Variants in STXBP4 observed in about 807,000 individuals in gnomAD.
The protein encoded by STXBP4 is syntaxin-binding protein 4.
Under a neutral mutation model 76.1 loss-of-function variants are expected in STXBP4, and 55 were observed. The ratio of observed to expected loss-of-function variants is 0.72; its 90% CI spans 0.58 to 0.91. The LOEUF (loss-of-function observed/expected upper bound fraction) is 0.91. Ranked by LOEUF, STXBP4 falls within the 40% of genes least tolerant of loss-of-function variation. The probability of loss-of-function intolerance (pLI) is 0.00; values close to 1 mark genes in which losing one functional copy is unlikely to be tolerated. For missense variants in STXBP4, 618 were observed against 636.9 expected, an observed-to-expected ratio of 0.97 and a Z score of 0.32; for synonymous variants, 201 against 220.2, an observed-to-expected ratio of 0.91 and a Z score of 0.77.
intron 9 of STXBP4, among the ~76,000 whole-genome samples, chr17:55,033,137 G>A (rs746152678): frequency 6.6e-6 from 1 of 152,172 alleles, no homozygotes; most frequent in Non-Finnish European, 1.5e-5. Context: ...ACTTTAGGAG[G>A]CCAAGGTGGG....
chr17:55,039,329 C>T (rs570104876), intron 10 of STXBP4, among the ~76,000 whole-genome samples: 92 of 139,530 alleles, frequency 6.6e-4, no homozygotes, highest in Non-Finnish European at 1.2e-3. Context: ...ACGTAATGCA[C>T]ACAGAGAGTA....
In STXBP4 at chr17:55,164,846, G is replaced by C. The variant is rs1483935314; in HGVS notation, c.*4935G>C. On this transcript the variant is annotated 3_prime_UTR_variant, in exon 18 of 18. Transcript: ENST00000376352. ...GTAATAATGGGAGTCAGCTTCGTGA[G>C]GGCAGGGATTTTGTCTTCTTGTATT... 6.6e-6 allele frequency: 1 copy of C among 152,376 alleles called. No homozygotes were observed. Among genetic ancestry groups the C allele is most frequent in the Non-Finnish European group, 1.5e-5 (1 of 68,048 alleles). 9.4% of individuals were successfully genotyped at this position (152,376 alleles called of 1,614,324 possible). A position where few individuals can be genotyped will look rare whatever the true frequency, so the allele number is the denominator to read the frequency against.
At chr17:55,189,149 GA>G in the STXBP4 span, among the ~76,000 whole-genome samples, 1 of 123,122 alleles carries the variant, frequency 8.1e-6, no homozygotes, top group Non-Finnish European at 1.7e-5. Flanking sequence ...ATGCAAGGGG[GA>G]CATAGAATAT....
chr17:55,024,476 G>A (rs1318354327), intron 8 of STXBP4, among the ~76,000 whole-genome samples: 2 of 152,196 alleles, frequency 1.3e-5, no homozygotes, highest in Admixed American at 1.3e-4. Flanking sequence ...ACTTCTGATG[G>A]TGGAGGCTTT....
At chr17:55,188,531 T>C in the STXBP4 span, among the ~76,000 whole-genome samples, 1 of 152,208 alleles carries the variant, frequency 6.6e-6, no homozygotes, top group Non-Finnish European at 1.5e-5. Context: ...CCAGAGCACC[T>C]TATGGAATAG....
chr17:54,969,893 G>T (rs1414449511), intron 1 of STXBP4, among the ~76,000 whole-genome samples: 1 of 152,160 alleles, frequency 6.6e-6, no homozygotes, highest in East Asian at 1.9e-4. Flanking sequence ...AACAGTTACC[G>T]AAATAAGGGA....
At chr17:55,097,892 G>C (rs571632410) in intron 16 of STXBP4, among the ~76,000 whole-genome samples, 1 of 152,026 alleles carries the variant, frequency 6.6e-6, no homozygotes, top group African/African-American at 2.4e-5. Flanking sequence ...CTATGAAGAT[G>C]GAGATATCAC....
Position 54,987,976 on chromosome 17 carries a change from A to G in STXBP4, c.47+1710A>G, listed in dbSNP as rs937166115. Reference sequence around the variant, plus strand: ...AAAGTTGAGCAGAACTATTTTTAATACTTAATAGGAAAAAAGAGTATATAA... The same window carrying G: ...AAAGTTGAGCAGAACTATTTTTAATGCTTAATAGGAAAAAAGAGTATATAA... On this transcript the variant is annotated intron_variant, in intron 3 of 17. Transcript: ENST00000376352. Among the ~76,000 whole-genome samples, 6 of 152,280 alleles carry G rather than the reference A, an allele frequency of 3.9e-5. No individual in the cohort carries two copies. In the South Asian group the frequency reaches 1.2e-3, roughly 32 times the overall value.
chr17:54,978,342 T>TATATGTAATATGTA (rs1555619570), intron 1 of STXBP4, among the ~76,000 whole-genome samples: 2 of 151,294 alleles, frequency 1.3e-5, no homozygotes, highest in African/African-American at 4.9e-5. Context: ...AAACATGAAA[T>TATATGTAATATGTA]ATATGTACTA....
downstream of STXBP4, among the ~76,000 whole-genome samples, chr17:55,175,588 A>G (rs1378719451): frequency 1.3e-5 from 2 of 151,812 alleles, no homozygotes; most frequent in Admixed American, 6.5e-5. Context: ...GGGGTCAAAG[A>G]ACAAGCAAGT....
At chr17:54,979,785 C>CA (rs1215728480) in intron 1 of STXBP4, among the ~76,000 whole-genome samples, 3 of 152,174 alleles carry the variant, frequency 2.0e-5, no homozygotes, top group African/African-American at 7.2e-5. Context: ...TCACTGGTAT[C>CA]ATACTGTCCT....
chr17:55,072,133 G>A (rs1377116166), intron 12 of STXBP4, among the ~76,000 whole-genome samples: 1 of 152,110 alleles, frequency 6.6e-6, no homozygotes, highest in South Asian at 2.1e-4. Flanking sequence ...TAGAAAGACA[G>A]CATTAATGTT....
rs145919863 is a variant in STXBP4 at position 55,007,581 on chromosome 17, C to T, written c.650C>T (p.Ala217Val). The change falls in exon 8 of 18, where the codon GCA becomes GTA. Residue 217 changes from alanine to valine, a missense_variant. Physicochemically the swap from Ala to Val is moderately conservative, Grantham distance 64 (BLOSUM62 0). Transcript: ENST00000376352. ...ISLNPSVRFKAEKLEMALNYL... is the reference protein window; with the variant it reads ...ISLNPSVRFKVEKLEMALNYL... ...CTAAATCCCTCTGTTCGCTTTAAGG[C>T]AGAGAAACTGGAAATGGTAAAACCT... 6.2e-7 allele frequency: 1 copy of T among 1,600,148 alleles called. No homozygotes were observed. The highest frequency in any genetic ancestry group is 8.5e-7 in the Non-Finnish European group (1 of 1,176,256).
intron 17 of STXBP4, among the ~76,000 whole-genome samples, chr17:55,148,422 A>G (rs1308542609): frequency 2.0e-5 from 3 of 152,240 alleles, no homozygotes; most frequent in Non-Finnish European, 4.4e-5. Context: ...TAATGCAATT[A>G]GAAATTAGGG....
Position 54,986,215 on chromosome 17 carries a change from A to T in STXBP4, c.-5A>T. ...TGTTAAATCCAAGGCTACTTTGGTG[A>T]AAGCATGAATAAAAATACATCTACT... On this transcript the variant is annotated 5_prime_UTR_variant, in exon 3 of 18. Coordinates refer to ENST00000376352, the MANE Select transcript of STXBP4 (RefSeq NM_178509.6). The T allele has an allele frequency of 6.2e-7, 1 of 1,600,428 alleles. No homozygotes were observed. Among genetic ancestry groups the T allele is most frequent in the Non-Finnish European group, 8.5e-7 (1 of 1,174,140 alleles).
intron 8 of STXBP4, among the ~76,000 whole-genome samples, chr17:55,026,359 TAG>T (rs1261135924): frequency 6.6e-6 from 1 of 151,944 alleles, no homozygotes; most frequent in Non-Finnish European, 1.5e-5. Context: ...CCCAAGATGG[TAG>T]ATTAGAGCGG....
intron 4 of STXBP4, 97 bp downstream of exon 4, chr17:54,991,054 T>G: frequency 7.6e-7 from 1 of 1,323,552 alleles, no homozygotes; most frequent in Non-Finnish European, 9.9e-7. Flanking sequence ...TTATATCCAC[T>G]GTGACCATAC....
At chr17:55,011,892 G>A (rs531492696) in intron 8 of STXBP4, among the ~76,000 whole-genome samples, 6 of 152,206 alleles carry the variant, frequency 3.9e-5, no homozygotes, top group African/African-American at 9.6e-5. Context: ...GTTGGCCGAC[G>A]ACCGCTCTAA....
At chr17:55,071,964 T>TG (rs1329660965) in intron 12 of STXBP4, among the ~76,000 whole-genome samples, 1 of 152,246 alleles carries the variant, frequency 6.6e-6, no homozygotes. Context: ...ATTGGTGTCC[T>TG]GGGGGACTGT....
Sources: allele counts gnomAD v4.1 joint callset (sites outside exome capture counted in the v4.1 genomes callset), GRCh38; gene constraint gnomAD v4.1.1; transcripts MANE v1.5; gene names NCBI Gene and HGNC (gene_info 2026-07-23, HGNC 2026-07-21).